LRP4: variants seen among roughly 807,000 people sequenced by gnomAD.
The protein encoded by LRP4 is LDL receptor related protein 4.
In LRP4, 95 loss-of-function variants were observed where a neutral mutation model predicts 220.3. That is an observed-to-expected ratio of 0.43 (90% CI 0.37 to 0.51). The LOEUF (loss-of-function observed/expected upper bound fraction) is 0.51. Ranked by LOEUF, LRP4 falls within the 20% of genes least tolerant of loss-of-function variation. The pLI is 0.00. For synonymous variants in LRP4, 903 were observed against 954.6 expected, an observed-to-expected ratio of 0.95 and a Z score of 1.00; for missense variants, 1,925 against 2,567.0, an observed-to-expected ratio of 0.75 and a Z score of 5.40.
intron 23 of LRP4, 24 bp from the exon 24 acceptor site, chr11:46,876,854 A>G (rs760388804): frequency 1.9e-6 from 3 of 1,579,154 alleles, no homozygotes; most frequent in East Asian, 2.2e-5. Context: ...GCTTGGCTCA[A>G]CCTAGACCCT....
At position 46,879,425 on chromosome 11, in the gene LRP4, G is replaced by A. The variant is rs1185881484; in HGVS notation, c.2815-110C>T. 3.8e-6 allele frequency: 4 copies of A among 1,053,818 alleles called. No individual in the cohort carries two copies. In the African/African-American group the frequency reaches 6.3e-5, roughly 16 times the overall value. 65.3% of individuals were successfully genotyped at this position (1,053,818 alleles called of 1,614,324 possible). On this transcript the variant is annotated intron_variant, in intron 20 of 37. Coordinates refer to ENST00000378623, the MANE Select transcript of LRP4 (RefSeq NM_002334.4). ...GCAGCTCTCCCACTAACACCTACTGGGTGACCTCCAGTAAGAGCTACTTAT... is the reference window on the plus strand; with the variant it reads ...GCAGCTCTCCCACTAACACCTACTGAGTGACCTCCAGTAAGAGCTACTTAT...
Position 46,878,863 on chromosome 11 carries a change from C to A in LRP4, c.3136+44G>T, listed in dbSNP as rs570170024. On this transcript the variant is annotated intron_variant, in intron 22 of 37. Coordinates refer to ENST00000378623, the MANE Select transcript of LRP4 (RefSeq NM_002334.4). Reference sequence around the variant, plus strand: ...CAAGGAAGGAAGAGAGCCATTGCCCCCTCCCAGAGAGGCTGCATCTAGATC... The same window carrying A: ...CAAGGAAGGAAGAGAGCCATTGCCCACTCCCAGAGAGGCTGCATCTAGATC... The A allele has an allele frequency of 1.2e-5, 20 of 1,612,762 alleles. No individual in the cohort carries two copies. In the South Asian group the frequency reaches 2.0e-4, roughly 16 times the overall value.
Position 46,896,000 on chromosome 11 carries a change from T to C in LRP4, c.1067A>G (p.Glu356Gly). 1 of 1,614,146 alleles carries C rather than the reference T, an allele frequency of 6.2e-7. No homozygotes were observed. The highest frequency in any genetic ancestry group is 8.5e-7 in the Non-Finnish European group (1 of 1,180,038). The change falls in exon 10 of 38, where the codon GAG becomes GGG. Residue 356 changes from glutamate to glycine, a missense_variant. Glu to Gly is a moderately conservative substitution (Grantham distance 98, BLOSUM62 -2). Transcript: ENST00000378623. Reference protein sequence around the residue: ...QQNCRPRTGEENCNVNNGGCA... With the variant: ...QQNCRPRTGEGNCNVNNGGCA... ...GCCACCGTTGTTAACATTGCAGTTC[T>C]CCTCACCCGTCCGGGGCCCTGTGCC...
In LRP4 at chr11:46,858,821, C is replaced by T; in HGVS notation, c.*162G>A. The stretch of plus-strand genomic sequence containing the variant: ...TTTCTTGTGCACAGGTAGTTATGGA[C>T]TCACGTGGTAAACAGCTCCGGTGAA... On this transcript the variant is annotated 3_prime_UTR_variant, in exon 38 of 38. Transcript: ENST00000378623. 1.4e-6 allele frequency: 1 copy of T among 710,038 alleles called. No homozygotes were observed. Among genetic ancestry groups the T allele is most frequent in the Non-Finnish European group, 2.5e-6 (1 of 394,810 alleles). The allele number at this position is 710,038 out of a possible 1,614,324, so 44.0% of individuals were successfully genotyped here. A position where few individuals can be genotyped will look rare whatever the true frequency, so the allele number is the denominator to read the frequency against.
intron 1 of LRP4, among the ~76,000 whole-genome samples, chr11:46,915,292 G>A (rs1294934130): frequency 6.6e-6 from 1 of 152,146 alleles, no homozygotes; most frequent in Non-Finnish European, 1.5e-5. Context: ...ATCTACCCAA[G>A]CACGCCTAGG....
Position 46,874,743 on chromosome 11 carries a change from C to T in LRP4, c.4229+57G>A, listed in dbSNP as rs114911553. The T allele has an allele frequency of 1.5e-3, 2,313 of 1,530,538 alleles. 22 individuals are homozygous for T. In the African/African-American group the frequency reaches 0.029, roughly 19 times the overall value. 94.8% of individuals were successfully genotyped at this position (1,530,538 alleles called of 1,614,324 possible). A position where few individuals can be genotyped will look rare whatever the true frequency, so the allele number is the denominator to read the frequency against. On this transcript the variant is annotated intron_variant, in intron 28 of 37. Coordinates refer to ENST00000378623, the MANE Select transcript of LRP4 (RefSeq NM_002334.4). ...ATTTAGTGGTCAGAACACAACCTCA[C>T]CCATGGGCGACCAGAAGCAAATCTG... is the stretch of plus-strand genomic sequence containing the variant.
rs1390639039 is a variant in LRP4, at chr11:46,894,631, T to C, written c.1498A>G (p.Ser500Gly). ...DRILRANLNG[S>G]NVEEVVSTGL... ...GTAGACACAACCTCCTCCACGTTGCTGCCGTTGAGGTTGGCACGGAGGATC... is the reference window on the plus strand; with the variant it reads ...GTAGACACAACCTCCTCCACGTTGCCGCCGTTGAGGTTGGCACGGAGGATC... The change falls in exon 12 of 38, where the codon AGC becomes GGC. Residue 500 changes from serine (S) to glycine (G), a missense_variant. Transcript: ENST00000378623. The C allele has an allele frequency of 1.2e-6, 2 of 1,613,540 alleles. No homozygotes were observed.
chr11:46,896,060 C>T (rs1214924734), intron 9 of LRP4, 42 bp from the exon 10 acceptor site: 3 of 1,613,780 alleles, frequency 1.9e-6, no homozygotes, highest in Non-Finnish European at 2.5e-6. Flanking sequence ...GCCCAGAATC[C>T]TCCCCCAGAG....
At position 46,873,148 on chromosome 11, in the gene LRP4, G is replaced by C. The variant is rs768813159; in HGVS notation, c.4535C>G (p.Thr1512Arg). The C allele has an allele frequency of 7.7e-5, 125 of 1,614,100 alleles. No individual in the cohort carries two copies. The highest frequency in any genetic ancestry group is 1.0e-4 in the Non-Finnish European group (121 of 1,180,052). Residue 1512 changes from threonine to arginine, a missense_variant, in exon 30 of 38, where the codon ACA (threonine) becomes AGA (arginine). Transcript: ENST00000378623. The surrounding 1 kb of genome is among the most constrained non-coding windows in gnomAD (Gnocchi z 4.2). ...AAGGCCATTGGGCCAACCCAGGTCT[G>C]TGTTGATGAGGACCTTCCGCTCAGA... Reference protein sequence around the residue: ...DGSERKVLINTDLGWPNGLTL... With the variant: ...DGSERKVLINRDLGWPNGLTL...
chr11:46,892,616 G>A (rs950578920), intron 13 of LRP4, among the ~76,000 whole-genome samples: 10 of 149,940 alleles, frequency 6.7e-5, no homozygotes, highest in Non-Finnish European at 1.3e-4. Flanking sequence ...CTTTCTCCCA[G>A]GCTGGAGTGC....
rs758363817 is a variant in LRP4 at position 46,883,245 on chromosome 11, C to G, written c.2612+626G>C. 4.6e-4 allele frequency among the ~76,000 whole-genome samples: 70 copies of G among 152,288 alleles called. 1 individual carries two copies. Among genetic ancestry groups the G allele is most frequent in the Non-Finnish European group, 1.0e-4 (7 of 68,006 alleles). On this transcript the variant is annotated intron_variant, in intron 19 of 37. Transcript: ENST00000378623. ...TGGGAACAAGCCCCCCAAAATTTGG[C>G]CATAAACTGGCCCCCAAAACTGGCC... is the stretch of plus-strand genomic sequence containing the variant.
rs1414358662 is a variant in LRP4, at chr11:46,918,178, C to T, written c.52+150G>A. ...CGGACTGCTGGAGCCGGGGCCGCTC[C>T]GGGTCCTCTCCCCTGCACGCAGCCC... On this transcript the variant is annotated intron_variant, in intron 1 of 37. Coordinates refer to ENST00000378623, the MANE Select transcript of LRP4 (RefSeq NM_002334.4). The surrounding 1 kb of genome is among the most constrained non-coding windows in gnomAD (Gnocchi z 6.0). 2.6e-6 allele frequency: 2 copies of T among 777,612 alleles called. No individual in the cohort carries two copies. Among genetic ancestry groups the T allele is most frequent in the Non-Finnish European group, 1.9e-6 (1 of 523,320 alleles). 48.2% of individuals were successfully genotyped at this position (777,612 alleles called of 1,614,324 possible).
Position 46,899,998 on chromosome 11 carries a change from G to T in LRP4, c.317-22C>A. 6.3e-7 allele frequency: 1 copy of T among 1,577,806 alleles called. No homozygotes were observed. The highest frequency in any genetic ancestry group is 8.7e-7 in the Non-Finnish European group (1 of 1,147,850). ...GGGGCTGTGGGCACAGAGCAGTCAG[G>T]CTGCTGCAGGCAGTGGGGGTCTGGT... On this transcript the variant is annotated intron_variant, in intron 3 of 37. Transcript: ENST00000378623. This position sits in a 1 kb window ranked among gnomAD's most constrained non-coding sequence, Gnocchi z 5.9.
intron 12 of LRP4, among the ~76,000 whole-genome samples, 158 bp downstream of exon 12, chr11:46,894,431 A>C (rs925127775): frequency 6.6e-6 from 1 of 152,212 alleles, no homozygotes; most frequent in African/African-American, 2.4e-5. Context: ...ATTGATATAC[A>C]TTAACAAATG....
intron 31 of LRP4, 145 bp from the exon 32 acceptor site, chr11:46,869,277 A>G: frequency 2.5e-6 from 2 of 800,024 alleles, no homozygotes. Context: ...ATCAACAGAC[A>G]TGACATTGTC....
intron 35 of LRP4, 125 bp from the exon 36 acceptor site, chr11:46,864,660 T>C (rs1940648917): frequency 2.8e-6 from 2 of 721,908 alleles, no homozygotes; most frequent in South Asian, 2.9e-5. Flanking sequence ...TGAGGATGGC[T>C]AAGGGCCTCC....
intron 15 of LRP4, 198 bp downstream of exon 15, chr11:46,889,746 G>C (rs1211892663): frequency 2.4e-6 from 2 of 835,546 alleles, no homozygotes; most frequent in Non-Finnish European, 3.9e-6. Context: ...GAACGGTGAA[G>C]TCTAATGAAT....
intron 18 of LRP4, 56 bp downstream of exon 18, chr11:46,886,034 GT>G: frequency 6.9e-7 from 1 of 1,449,084 alleles, no homozygotes; most frequent in Non-Finnish European, 9.7e-7. Flanking sequence ...TGAGGCCAGG[GT>G]TTTAAACAAG....
chr11:46,909,044 CAG>C (rs1353459418), intron 1 of LRP4, among the ~76,000 whole-genome samples: 1 of 152,172 alleles, frequency 6.6e-6, no homozygotes, highest in Admixed American at 6.5e-5. Context: ...AGTGTGATCT[CAG>C]AGTCTGGACT....
Sources: allele counts gnomAD v4.1 joint callset (sites outside exome capture counted in the v4.1 genomes callset), GRCh38; gene constraint gnomAD v4.1.1; non-coding constraint Gnocchi (gnomAD v3.1); transcripts MANE v1.5; gene names NCBI Gene and HGNC (gene_info 2026-07-23, HGNC 2026-07-21).